Variants in SLC2A4 observed in about 807,000 individuals in gnomAD.
The protein encoded by SLC2A4 is solute carrier family 2, facilitated glucose transporter member 4.
A neutral mutation model predicts 53.3 loss-of-function variants in SLC2A4; 31 were observed. The ratio of observed to expected loss-of-function variants is 0.58; its 90% confidence interval spans 0.44 to 0.78. SLC2A4 has a LOEUF of 0.78. Ranked by LOEUF, SLC2A4 falls within the 30% of genes least tolerant of loss-of-function variation. The pLI is 0.00. For missense variants in SLC2A4, 538 were observed against 655.7 expected (o/e 0.82, Z 1.96); for synonymous variants, 276 against 281.9 (o/e 0.98, Z 0.21).
chr17:7,286,234 T>G (rs544059712), intron 10 of SLC2A4, 192 bp from the exon 11 acceptor site: 21 of 706,346 alleles, frequency 3.0e-5, no homozygotes, highest in East Asian at 2.5e-4. Context: ...AAACTAAGAG[T>G]GTTTGGGGTT....
chr17:7,285,116 G>A lies in SLC2A4; in HGVS notation c.1049G>A (p.Arg350Gln), dbSNP rs769186928. Reference protein sequence around the residue: ...SVLLVERAGRRTLHLLGLAGM... With the variant: ...SVLLVERAGRQTLHLLGLAGM... ...TTGTTGGTGGAGCGGGCGGGGCGCC[G>A]GACGCTCCATCTCCTGGGCCTGGCG... Residue 350 changes from arginine to glutamine, a missense_variant, in exon 9 of 11, where the codon CGG becomes CAG. By Grantham distance (43) the Arg-to-Gln change is conservative (BLOSUM62 1). Coordinates refer to ENST00000317370, the MANE Select transcript of SLC2A4 (RefSeq NM_001042.3). The surrounding 1 kb of genome is among the most constrained non-coding windows in gnomAD (Gnocchi z 6.0). 64 of 1,603,854 alleles carry A rather than the reference G, an allele frequency of 4.0e-5. No individual in the cohort carries two copies. Among genetic ancestry groups the A allele is most frequent in the Middle Eastern group, 3.3e-4 (2 of 6,072 alleles).
In SLC2A4 at chr17:7,281,872, G is replaced by A; in HGVS notation, c.-63G>A. On this transcript the variant is annotated 5_prime_UTR_variant, in exon 1 of 11. Transcript: ENST00000317370. The stretch of plus-strand genomic sequence containing the variant: ...GGTTCTGCGCTCCAGGCCGGAGTCA[G>A]AGACTCCAGGATCGGTTCTTTCATC... 6.5e-7 allele frequency: 1 copy of A among 1,527,678 alleles called. No homozygotes were observed. The highest frequency in any genetic ancestry group is 8.9e-7 in the Non-Finnish European group (1 of 1,120,280). The allele number at this position is 1,527,678 out of a possible 1,614,324, so 94.6% of individuals were successfully genotyped here.
rs1198741794 is a variant in SLC2A4, at chr17:7,285,948, A to G, written c.1326+40A>G. ...CCCAGCCTCCCACACCGTAGGCCAG[A>G]GGTGGGCATCACACAGCTAGCCCAC... On this transcript the variant is annotated intron_variant, in intron 10 of 10. Coordinates refer to ENST00000317370, the MANE Select transcript of SLC2A4 (RefSeq NM_001042.3). This position sits in a 1 kb window ranked among gnomAD's most constrained non-coding sequence, Gnocchi z 6.0. The G allele has an allele frequency of 3.2e-6, 5 of 1,575,910 alleles. No homozygotes were observed. In the East Asian group the frequency reaches 9.0e-5, roughly 28 times the overall value.
rs145445626 is a variant in SLC2A4 at position 7,282,684 on chromosome 17, G to A, written c.34-561G>A. Among the ~76,000 whole-genome samples, 283 of 152,360 alleles carry A rather than the reference G, an allele frequency of 1.9e-3. 3 individuals carry two copies. Among genetic ancestry groups the A allele is most frequent in the African/African-American group, 6.3e-3 (261 of 41,578 alleles). On this transcript the variant is annotated intron_variant, in intron 1 of 10. Transcript: ENST00000317370. This position sits in a 1 kb window ranked among gnomAD's most constrained non-coding sequence, Gnocchi z 4.1. ...CCTAGATGACCGGGATGTCCTTTCT[G>A]GAACAGCACTTCTTGGTCCTGTTGG... is the stretch of plus-strand genomic sequence containing the variant.
At position 7,282,287 on chromosome 17, in the gene SLC2A4, A is replaced by G. The variant is rs1257752677; in HGVS notation, c.33+320A>G. On this transcript the variant is annotated intron_variant, in intron 1 of 10. Coordinates refer to ENST00000317370, the MANE Select transcript of SLC2A4 (RefSeq NM_001042.3). The surrounding 1 kb of genome is among the most constrained non-coding windows in gnomAD (Gnocchi z 4.1). Reference sequence around the variant, plus strand: ...TGCCCTCGATCCGACTCGGGAAAGCAGATCCAGGCGGGTCTTGCCCTCCGG... The same window carrying G: ...TGCCCTCGATCCGACTCGGGAAAGCGGATCCAGGCGGGTCTTGCCCTCCGG... The G allele has an allele frequency of 3.6e-6, 2 of 557,148 alleles. No homozygotes were observed. The highest frequency in any genetic ancestry group is 1.9e-5 in the African/African-American group (1 of 53,640). The allele number at this position is 557,148 out of a possible 1,614,324, so 34.5% of individuals were successfully genotyped here.
Position 7,283,525 on chromosome 17 carries a change from G to T in SLC2A4, c.203G>T (p.Gly68Val), listed in dbSNP as rs144936940. 5.0e-6 allele frequency: 8 copies of T among 1,613,832 alleles called. No homozygotes were observed. In the African/African-American group the frequency reaches 6.7e-5, roughly 13 times the overall value. ...TGGCTGGGGAGGCAGGGGCCTGAGG[G>T]ACCCAGCTCCATCCCTCCAGGCACC... ...ETWLGRQGPEGPSSIPPGTLT... is the reference protein window; with the variant it reads ...ETWLGRQGPEVPSSIPPGTLT... Residue 68 changes from glycine to valine, a missense_variant, in exon 3 of 11, where the codon GGA becomes GTA. Gly to Val is a moderately radical substitution (Grantham distance 109). Coordinates refer to ENST00000317370, the MANE Select transcript of SLC2A4 (RefSeq NM_001042.3). This position sits in a 1 kb window ranked among gnomAD's most constrained non-coding sequence, Gnocchi z 5.8.
rs1365085250 is a variant in SLC2A4, at chr17:7,283,568, C to T, written c.246C>T (p.Ala82=). The T allele has an allele frequency of 6.2e-7, 1 of 1,613,914 alleles. No homozygotes were observed. Among genetic ancestry groups the T allele is most frequent in the Non-Finnish European group, 8.5e-7 (1 of 1,180,008 alleles). The change falls in exon 3 of 11, where the codon GCC becomes GCT. Residue 82 remains alanine, a synonymous_variant. Coordinates refer to ENST00000317370, the MANE Select transcript of SLC2A4 (RefSeq NM_001042.3). This position sits in a 1 kb window ranked among gnomAD's most constrained non-coding sequence, Gnocchi z 5.8. The part of the protein sequence containing the change: ...IPPGTLTTLW[A]LSVAIFSVGG... ...CAGGCACCCTCACCACCCTCTGGGC[C>T]CTCTCCGTGGCCATCTTTTCCGTGG...
chr17:7,286,104 A>T (rs2072447506), intron 10 of SLC2A4, 196 bp downstream of exon 10: 1 of 619,978 alleles, frequency 1.6e-6, no homozygotes, highest in Non-Finnish European at 2.8e-6. Context: ...GAGGTGTCTG[A>T]AACGCACCAG....
Position 7,286,729 on chromosome 17 carries a change from G to A in SLC2A4, c.*100G>A, listed in dbSNP as rs1360929498. 5 of 1,141,202 alleles carry A rather than the reference G, an allele frequency of 4.4e-6. No individual in the cohort carries two copies. Among genetic ancestry groups the A allele is most frequent in the African/African-American group, 3.0e-5 (2 of 65,642 alleles). The allele number at this position is 1,141,202 out of a possible 1,614,324, so 70.7% of individuals were successfully genotyped here. ...TAACCCTCTCTTCCCTATTATTTCC[G>A]GGTGGAAAAGAATCCCTGCAGCCTG... On this transcript the variant is annotated 3_prime_UTR_variant, in exon 11 of 11. Coordinates refer to ENST00000317370, the MANE Select transcript of SLC2A4 (RefSeq NM_001042.3).
chr17:7,286,499 G>A lies in SLC2A4; in HGVS notation c.1400G>A (p.Arg467Lys), dbSNP rs779022200. Reference sequence around the variant, plus strand: ...GGCTTCTTCATCTTCACCTTCTTAAGAGTACCTGAAACTCGAGGCCGGACG... The same window carrying A: ...GGCTTCTTCATCTTCACCTTCTTAAAAGTACCTGAAACTCGAGGCCGGACG... ...LLGFFIFTFL[R>K]VPETRGRTFD... The change falls in exon 11 of 11, where the codon AGA becomes AAA. Residue 467 changes from arginine to lysine, a missense_variant. Physicochemically the swap from Arg to Lys is conservative, Grantham distance 26. Coordinates refer to ENST00000317370, the MANE Select transcript of SLC2A4 (RefSeq NM_001042.3). 2.5e-6 allele frequency: 4 copies of A among 1,614,138 alleles called. No individual in the cohort carries two copies. Among genetic ancestry groups the A allele is most frequent in the Admixed American group, 3.3e-5 (2 of 60,020 alleles).
rs1339514595 is a variant in SLC2A4 at position 7,287,055 on chromosome 17, ACTC to A, written c.*431_*433del. 2 of 181,560 alleles carry A rather than the reference ACTC, an allele frequency of 1.1e-5. No individual in the cohort carries two copies. Among genetic ancestry groups the A allele is most frequent in the Non-Finnish European group, 2.3e-5 (2 of 88,780 alleles). The allele number at this position is 181,560 out of a possible 1,614,324, so 11.2% of individuals were successfully genotyped here. A position where few individuals can be genotyped will look rare whatever the true frequency, so the allele number is the denominator to read the frequency against. ...GAAATCCAGTTTCCCACCACCTTGG[ACTC>A]CTCCCACAATCTGGGACTTTCACTG... On this transcript the variant is annotated 3_prime_UTR_variant, in exon 11 of 11. Transcript: ENST00000317370.
chr17:7,282,163 G>A lies in SLC2A4; in HGVS notation c.33+196G>A. 1.6e-6 allele frequency: 1 copy of A among 643,848 alleles called. No homozygotes were observed. Among genetic ancestry groups the A allele is most frequent in the Admixed American group, 2.2e-5 (1 of 44,876 alleles). The allele number at this position is 643,848 out of a possible 1,614,324, so 39.9% of individuals were successfully genotyped here. A position where few individuals can be genotyped will look rare whatever the true frequency, so the allele number is the denominator to read the frequency against. ...TCCTACCAAAAGGCAGAGTGGGTCT[G>A]GAGGGCCTTTCGGGGCACAGGCAGC... On this transcript the variant is annotated intron_variant, in intron 1 of 10. Coordinates refer to ENST00000317370, the MANE Select transcript of SLC2A4 (RefSeq NM_001042.3). The surrounding 1 kb of genome is among the most constrained non-coding windows in gnomAD (Gnocchi z 4.1).
Position 7,282,468 on chromosome 17 carries a change from CT to C in SLC2A4, c.33+502del, listed in dbSNP as rs1206417672. On this transcript the variant is annotated intron_variant, in intron 1 of 10. Coordinates refer to ENST00000317370, the MANE Select transcript of SLC2A4 (RefSeq NM_001042.3). This position sits in a 1 kb window ranked among gnomAD's most constrained non-coding sequence, Gnocchi z 4.1. Reference sequence around the variant, plus strand: ...CAGAGGGGACTGTCAGCCCCCCCTCCTCCAGCTCAGGTTTCCGCTTGGAGAC... The same window carrying C: ...CAGAGGGGACTGTCAGCCCCCCCTCCCCAGCTCAGGTTTCCGCTTGGAGAC... 3 of 452,362 alleles carry C rather than the reference CT, an allele frequency of 6.6e-6. No homozygotes were observed. The highest frequency in any genetic ancestry group is 3.1e-5 in the South Asian group (2 of 64,142). 28.0% of individuals were successfully genotyped at this position (452,362 alleles called of 1,614,324 possible). A position where few individuals can be genotyped will look rare whatever the true frequency, so the allele number is the denominator to read the frequency against.
rs1227450234 is a variant in SLC2A4 at position 7,281,942 on chromosome 17, C to T, written c.8C>T (p.Ser3Leu). ...CAGCTCTTCTAAGACGAGATGCCGT[C>T]GGGCTTCCAACAGATAGGCTCCGAA... is the stretch of plus-strand genomic sequence containing the variant. MPSGFQQIGSEDG... is the reference protein window; with the variant it reads MPLGFQQIGSEDG... Residue 3 changes from serine to leucine, a missense_variant, in exon 1 of 11, where the codon TCG (serine) becomes TTG (leucine). Physicochemically the swap from Ser to Leu is moderately radical, Grantham distance 145. Transcript: ENST00000317370. 7.3e-7 allele frequency: 1 copy of T among 1,369,456 alleles called. No individual in the cohort carries two copies. Among genetic ancestry groups the T allele is most frequent in the Non-Finnish European group, 9.7e-7 (1 of 1,028,284 alleles). 84.8% of individuals were successfully genotyped at this position (1,369,456 alleles called of 1,614,324 possible).
chr17:7,286,630 G>A lies in SLC2A4; in HGVS notation c.*1G>A. The A allele has an allele frequency of 6.2e-7, 1 of 1,613,878 alleles. No homozygotes were observed. Among genetic ancestry groups the A allele is most frequent in the Non-Finnish European group, 8.5e-7 (1 of 1,179,854 alleles). ...TTTAGGGCCAGATGAGAACGACTGAGGGGCCAGGCAGGGGTGGGAGAGCCA... is the reference window on the plus strand; with the variant it reads ...TTTAGGGCCAGATGAGAACGACTGAAGGGCCAGGCAGGGGTGGGAGAGCCA... On this transcript the variant is annotated 3_prime_UTR_variant, in exon 11 of 11. Coordinates refer to ENST00000317370, the MANE Select transcript of SLC2A4 (RefSeq NM_001042.3).
chr17:7,286,163 A>T, intron 10 of SLC2A4: 1 of 620,136 alleles, frequency 1.6e-6, no homozygotes, highest in Non-Finnish European at 2.8e-6. Flanking sequence ...CTTTGCATTA[A>T]TACTACAAAC....
chr17:7,281,886 G>A lies in SLC2A4; in HGVS notation c.-49G>A, dbSNP rs762372558. 1.9e-6 allele frequency: 3 copies of A among 1,574,090 alleles called. No homozygotes were observed. The Admixed American group carries it at 5.5e-5, about 29-fold the overall frequency. ...GGCCGGAGTCAGAGACTCCAGGATC[G>A]GTTCTTTCATCTTCGCCGCCCCTGC... On this transcript the variant is annotated 5_prime_UTR_variant, in exon 1 of 11. Coordinates refer to ENST00000317370, the MANE Select transcript of SLC2A4 (RefSeq NM_001042.3).
intron 10 of SLC2A4, 93 bp from the exon 11 acceptor site, chr17:7,286,333 C>A: frequency 9.9e-7 from 1 of 1,013,232 alleles, no homozygotes; most frequent in Non-Finnish European, 1.6e-6. Flanking sequence ...GTCCCCCCAG[C>A]TCCCTATGAA....
Position 7,283,525 on chromosome 17 carries a change from G to A in SLC2A4, c.203G>A (p.Gly68Glu). 3 of 1,613,952 alleles carry A rather than the reference G, an allele frequency of 1.9e-6. No individual in the cohort carries two copies. Among genetic ancestry groups the A allele is most frequent in the South Asian group, 2.2e-5 (2 of 91,072 alleles). Residue 68 changes from glycine to glutamate, a missense_variant, in exon 3 of 11, where the codon GGA (glycine) becomes GAA (glutamate). By Grantham distance (98) the Gly-to-Glu change is moderately conservative. Coordinates refer to ENST00000317370, the MANE Select transcript of SLC2A4 (RefSeq NM_001042.3). The surrounding 1 kb of genome is among the most constrained non-coding windows in gnomAD (Gnocchi z 5.8). ...ETWLGRQGPE[G>E]PSSIPPGTLT... ...TGGCTGGGGAGGCAGGGGCCTGAGG[G>A]ACCCAGCTCCATCCCTCCAGGCACC...
Sources: gnomAD v4.1 joint callset for allele counts (sites outside exome capture counted in the v4.1 genomes callset) on GRCh38, gnomAD v4.1.1 for gene constraint, Gnocchi (gnomAD v3.1) non-coding constraint, MANE v1.5 for transcripts, NCBI Gene and HGNC (gene_info 2026-07-23, HGNC 2026-07-21) for gene names.